The following ABCD2 variants were observed in gnomAD, a reference collection of about 807,000 sequenced individuals.
The protein encoded by ABCD2 is ATP-binding cassette sub-family D member 2.
In ABCD2, 36 loss-of-function variants were observed where a neutral mutation model predicts 70.9. That is an observed-to-expected ratio of 0.51 (90% CI 0.39 to 0.67). ABCD2 has a LOEUF of 0.67. Among genes scored for constraint, ABCD2 ranks in the 30% least tolerant of loss-of-function variants. The pLI, the probability that ABCD2 is intolerant of heterozygous loss-of-function variation, is 0.00. For missense variants in ABCD2, 729 were observed against 890.2 expected (o/e 0.82, Z 2.30); for synonymous variants, 304 against 306.9 (o/e 0.99, Z 0.10).
chr12:39,611,947 C>T (rs1020406573), intron 2 of ABCD2, among the ~76,000 whole-genome samples: 37 of 152,096 alleles, frequency 2.4e-4, no homozygotes, highest in African/African-American at 8.0e-4. Flanking sequence ...CTTACAGGCA[C>T]GTCATAACAA....
chr12:39,548,415 C>A (rs889911069), downstream of ABCD2, among the ~76,000 whole-genome samples: 1 of 151,982 alleles, frequency 6.6e-6, no homozygotes, highest in Non-Finnish European at 1.5e-5. Context: ...TTTATCTATA[C>A]CCTACCTATG....
chr12:39,597,156 C>A (rs1386164672), intron 6 of ABCD2, among the ~76,000 whole-genome samples: 1 of 152,068 alleles, frequency 6.6e-6, no homozygotes, highest in Admixed American at 6.6e-5. Context: ...CAAAAGAAAG[C>A]AAGATTTTAC....
intron 9 of ABCD2, among the ~76,000 whole-genome samples, chr12:39,557,977 G>A (rs959677806): frequency 6.6e-6 from 1 of 152,198 alleles, no homozygotes; most frequent in South Asian, 2.1e-4. Context: ...GCTGTGAGAA[G>A]AGGGCCACCA....
At chr12:39,604,567 A>G (rs1485103127) in intron 4 of ABCD2, among the ~76,000 whole-genome samples, 195 bp downstream of exon 4, 1 of 152,080 alleles carries the variant, frequency 6.6e-6, no homozygotes, top group Non-Finnish European at 1.5e-5. Context: ...TAAAAGTAGC[A>G]TAACACTGTG....
chr12:39,553,803 TC>T lies in ABCD2; in HGVS notation c.*108del, dbSNP rs1175536255. On this transcript the variant is annotated 3_prime_UTR_variant, in exon 10 of 10. Transcript: ENST00000308666. ...TAATGCTAAAATCTTATAAAACATG[TC>T]TTGCTGCCTTTTTTTCTCTGTGCTT... is the stretch of plus-strand genomic sequence containing the variant. 5 of 784,414 alleles carry T rather than the reference TC, an allele frequency of 6.4e-6. No homozygotes were observed. The African/African-American group carries it at 8.8e-5, about 14-fold the overall frequency. The allele number at this position is 784,414 out of a possible 1,614,324, so 48.6% of individuals were successfully genotyped here. A position where few individuals can be genotyped will look rare whatever the true frequency, so the allele number is the denominator to read the frequency against.
At chr12:39,568,239 T>G (rs1354300832) in intron 9 of ABCD2, among the ~76,000 whole-genome samples, 1 of 152,200 alleles carries the variant, frequency 6.6e-6, no homozygotes, top group East Asian at 1.9e-4. Context: ...TTGATTCCAT[T>G]CTCCCCGTCA....
At chr12:39,534,203 C>G in the ABCD2 span, among the ~76,000 whole-genome samples, 36 of 152,240 alleles carry the variant, frequency 2.4e-4, no homozygotes, top group Non-Finnish European at 4.6e-4. Context: ...CCATCATGCC[C>G]CTGCCAGTCC....
At position 39,552,583 on chromosome 12, in the gene ABCD2, C is replaced by A. The variant is rs1318254931; in HGVS notation, c.*1329G>T. On this transcript the variant is annotated 3_prime_UTR_variant, in exon 10 of 10. Transcript: ENST00000308666. ...CAAAACCATAATTATTTGCCCTTCT[C>A]ATTGCTAATGCCTTAGAGGTACATT... The A allele has an allele frequency of 6.6e-6, 1 of 151,942 alleles. No individual in the cohort carries two copies. Among genetic ancestry groups the A allele is most frequent in the Non-Finnish European group, 1.5e-5 (1 of 67,856 alleles). The allele number at this position is 151,942 out of a possible 1,614,324, so 9.4% of individuals were successfully genotyped here.
rs374704804 is a variant in ABCD2 at position 39,579,556 on chromosome 12, A to G, written c.1856T>C (p.Met619Thr). 6 of 1,613,200 alleles carry G rather than the reference A, an allele frequency of 3.7e-6. No homozygotes were observed. In the African/African-American group the frequency reaches 4.0e-5, roughly 11 times the overall value. The change falls in exon 8 of 10, where the codon ATG becomes ACG. Residue 619 changes from methionine to threonine, a missense_variant. Transcript: ENST00000308666. ...LSGGEKQRMG[M>T]ARMFYHKPKY... is the part of the protein sequence containing the mutation. ...TTACTTATGATAAAACATACGAGCC[A>G]TGCCCATTCTTTGCTTTTCCCCTCC...
chr12:39,610,859 T>C (rs555203486), intron 2 of ABCD2, among the ~76,000 whole-genome samples: 28 of 152,208 alleles, frequency 1.8e-4, no homozygotes, highest in Non-Finnish European at 3.2e-4. Context: ...TATTTTGTCA[T>C]GCACACAACA....
the ABCD2 span, among the ~76,000 whole-genome samples, chr12:39,537,343 C>T: frequency 6.6e-6 from 1 of 152,102 alleles, no homozygotes; most frequent in Non-Finnish European, 1.5e-5. Flanking sequence ...AGTAAAAGAA[C>T]GACTGGAAAG....
intron 6 of ABCD2, among the ~76,000 whole-genome samples, chr12:39,599,883 G>A (rs750786650): frequency 2.0e-5 from 3 of 152,106 alleles, no homozygotes; most frequent in African/African-American, 4.8e-5. Flanking sequence ...GATGACAGAT[G>A]GAAAAATTAC....
chr12:39,547,640 T>C (rs1941038512), downstream of ABCD2, among the ~76,000 whole-genome samples: 1 of 152,018 alleles, frequency 6.6e-6, no homozygotes, highest in South Asian at 2.1e-4. Flanking sequence ...AGTAGACTGG[T>C]GGTTAGTTGG....
rs902553270 is a variant in ABCD2 at position 39,552,147 on chromosome 12, A to G, written c.*1765T>C. The G allele has an allele frequency of 3.9e-5, 6 of 151,978 alleles. No homozygotes were observed. The highest frequency in any genetic ancestry group is 1.4e-4 in the African/African-American group (6 of 41,442). The allele number at this position is 151,978 out of a possible 1,614,324, so 9.4% of individuals were successfully genotyped here. ...ATAATACTAATGAAAACGTTGGACAAATGTACTGATTATAATTTTATATTG... is the reference window on the plus strand; with the variant it reads ...ATAATACTAATGAAAACGTTGGACAGATGTACTGATTATAATTTTATATTG... On this transcript the variant is annotated 3_prime_UTR_variant, in exon 10 of 10. Transcript: ENST00000308666.
At chr12:39,540,935 C>T in the ABCD2 span, among the ~76,000 whole-genome samples, 1 of 152,246 alleles carries the variant, frequency 6.6e-6, no homozygotes, top group African/African-American at 2.4e-5. Context: ...TCAGGACCTC[C>T]TGAAGGCTGT....
chr12:39,536,817 G>A, the ABCD2 span, among the ~76,000 whole-genome samples: 1 of 152,088 alleles, frequency 6.6e-6, no homozygotes, highest in Non-Finnish European at 1.5e-5. Context: ...TTGGCCAGCA[G>A]CATCACCTTC....
chr12:39,572,788 A>G (rs1941465314), intron 9 of ABCD2, among the ~76,000 whole-genome samples: 1 of 152,162 alleles, frequency 6.6e-6, no homozygotes, highest in African/African-American at 2.4e-5. Context: ...TGCAGCCAGA[A>G]AGAGAGAGAG....
chr12:39,619,795 G>A lies in ABCD2; in HGVS notation c.-180C>T. On this transcript the variant is annotated 5_prime_UTR_variant, in exon 1 of 10. Coordinates refer to ENST00000308666, the MANE Select transcript of ABCD2 (RefSeq NM_005164.4). ...ACAGATGCAGCAGAGCTCAGACTCCGCTGCATCTACCGGGAATGATTCTCT... is the reference window on the plus strand; with the variant it reads ...ACAGATGCAGCAGAGCTCAGACTCCACTGCATCTACCGGGAATGATTCTCT... 3.4e-6 allele frequency: 2 copies of A among 591,226 alleles called. No individual in the cohort carries two copies. The highest frequency in any genetic ancestry group is 1.9e-5 in the African/African-American group (1 of 53,710). 36.6% of individuals were successfully genotyped at this position (591,226 alleles called of 1,614,324 possible).
intron 9 of ABCD2, among the ~76,000 whole-genome samples, chr12:39,572,411 G>A (rs1488137826): frequency 1.3e-5 from 2 of 152,136 alleles, no homozygotes; most frequent in Non-Finnish European, 2.9e-5. Context: ...GGTCCTGTTG[G>A]TCTTCTTCAG....
Sources: allele counts gnomAD v4.1 joint callset (sites outside exome capture counted in the v4.1 genomes callset), GRCh38; gene constraint gnomAD v4.1.1; transcripts MANE v1.5; gene names NCBI Gene and HGNC (gene_info 2026-07-23, HGNC 2026-07-21).